EXD3: variants seen among roughly 807,000 people sequenced by gnomAD.
EXD3 encodes exonuclease 3'-5' domain containing 3.
A neutral mutation model predicts 98.0 loss-of-function variants in EXD3; 92 were observed. The observed-to-expected ratio is 0.94, with a 90% confidence interval of 0.79 to 1.12. The LOEUF (loss-of-function observed/expected upper bound fraction) is 1.12, where lower values mean the gene tolerates loss of function less well. Ranked by LOEUF, EXD3 falls within the 50% of genes most tolerant of loss-of-function variation. The pLI is 0.00. For missense variants in EXD3, 1,222 were observed against 1,191.6 expected (o/e 1.03, Z -0.38); for synonymous variants, 569 against 526.0 (o/e 1.08, Z -1.12).
At chr9:137,412,929 G>C (rs1216273697) in intron 1 of EXD3, among the ~76,000 whole-genome samples, 1 of 151,356 alleles carries the variant, frequency 6.6e-6, no homozygotes, top group Admixed American at 6.6e-5. Flanking sequence ...CGGAGTGCAC[G>C]CTACACCTGG....
intron 7 of EXD3, among the ~76,000 whole-genome samples, chr9:137,362,607 C>T (rs1390889442): frequency 1.3e-5 from 2 of 151,932 alleles, no homozygotes; most frequent in East Asian, 1.9e-4. Context: ...GTGATCTGCC[C>T]CACCTTGGCC....
chr9:137,309,745 G>A, intron 19 of EXD3, 45 bp from the exon 20 acceptor site: 1 of 1,458,870 alleles, frequency 6.9e-7, no homozygotes, highest in Non-Finnish European at 9.4e-7. Flanking sequence ...GGCTTCTCCG[G>A]GTGCCCCATA....
At chr9:137,419,656 G>A (rs1297728825) in intron 1 of EXD3, among the ~76,000 whole-genome samples, 10 of 151,994 alleles carry the variant, frequency 6.6e-5, no homozygotes, top group African/African-American at 9.7e-5. Flanking sequence ...GCAACAGAGC[G>A]AGACTCCATC....
rs1181400833 is a variant in EXD3 at position 137,349,730 on chromosome 9, G to A, written c.1495-199C>T. On this transcript the variant is annotated intron_variant, in intron 14 of 21. Coordinates refer to ENST00000340951, the MANE Select transcript of EXD3 (RefSeq NM_017820.5). The surrounding 1 kb of genome is among the most constrained non-coding windows in gnomAD (Gnocchi z 7.4). ...GTGGGGGTCCCAGGCTGCAGGCACT[G>A]CACACCAGGGCCAGCTCCGGGGGCC... Among the ~76,000 whole-genome samples the A allele has an allele frequency of 2.0e-5, 3 of 151,988 alleles. No individual in the cohort carries two copies. Among genetic ancestry groups the A allele is most frequent in the African/African-American group, 7.3e-5 (3 of 41,378 alleles).
At chr9:137,312,624 G>C (rs1202591249) in intron 19 of EXD3, among the ~76,000 whole-genome samples, 1 of 152,202 alleles carries the variant, frequency 6.6e-6, no homozygotes, top group Non-Finnish European at 1.5e-5. Flanking sequence ...GTGAGGGAAA[G>C]AGCTGCTCAG....
In EXD3 at chr9:137,347,828, T is replaced by C. The variant is rs1834011086; in HGVS notation, c.1998+243A>G. ...CTCTATTTTAAGTTCAACTGATTAA[T>C]AGTGTCAATTACATCTGTAAATTCC... On this transcript the variant is annotated intron_variant, in intron 17 of 21. Transcript: ENST00000340951. This position sits in a 1 kb window ranked among gnomAD's most constrained non-coding sequence, Gnocchi z 4.2. Among the ~76,000 whole-genome samples the C allele has an allele frequency of 2.0e-5, 3 of 152,154 alleles. No homozygotes were observed. The highest frequency in any genetic ancestry group is 4.1e-4 in the South Asian group (2 of 4,824).
chr9:137,371,337 AGAC>A lies in EXD3; in HGVS notation c.462+1565_462+1567del, dbSNP rs1251599450. ...TTCTCAGCGCCATGCACCCGCCGCG[AGAC>A]GACGGCCCCGGGCGTGGCAGGTGAC... On this transcript the variant is annotated intron_variant, in intron 5 of 21. Coordinates refer to ENST00000340951, the MANE Select transcript of EXD3 (RefSeq NM_017820.5). This position sits in a 1 kb window ranked among gnomAD's most constrained non-coding sequence, Gnocchi z 8.0. Among the ~76,000 whole-genome samples, 2 of 152,114 alleles carry A rather than the reference AGAC, an allele frequency of 1.3e-5. No homozygotes were observed. Among genetic ancestry groups the A allele is most frequent in the African/African-American group, 2.4e-5 (1 of 41,404 alleles).
At chr9:137,404,712 T>C (rs1837635624) in intron 1 of EXD3, among the ~76,000 whole-genome samples, 1 of 151,948 alleles carries the variant, frequency 6.6e-6, no homozygotes, top group South Asian at 2.1e-4. Context: ...AATATAAAAT[T>C]AGCTGGGCGT....
chr9:137,418,504 A>G lies in EXD3; in HGVS notation c.-48+4610T>C, dbSNP rs183199800. Among the ~76,000 whole-genome samples, 5 of 152,362 alleles carry G rather than the reference A, an allele frequency of 3.3e-5. No homozygotes were observed. The East Asian group carries it at 9.6e-4, about 29-fold the overall frequency. ...AATATATTTACATCTGTTAACAAAA[A>G]AATTTAGGAGATGCATCTCTGTAAA... On this transcript the variant is annotated intron_variant, in intron 1 of 21. Transcript: ENST00000340951.
chr9:137,399,947 C>G (rs1446261820), intron 1 of EXD3, among the ~76,000 whole-genome samples: 3 of 150,356 alleles, frequency 2.0e-5, no homozygotes, highest in African/African-American at 7.4e-5. Context: ...AGGCGAATCA[C>G]TTGAACCTGG....
At chr9:137,400,109 TACTC>T (rs1224135287) in intron 1 of EXD3, among the ~76,000 whole-genome samples, 1 of 151,534 alleles carries the variant, frequency 6.6e-6, no homozygotes, top group Non-Finnish European at 1.5e-5. Context: ...TCATGAGACT[TACTC>T]ACTATCAGAA....
chr9:137,313,594 T>A (rs1588220299), intron 19 of EXD3, among the ~76,000 whole-genome samples: 2 of 152,290 alleles, frequency 1.3e-5, no homozygotes, highest in South Asian at 4.1e-4. Flanking sequence ...AGCCCAGGCC[T>A]GTCTCCTGCA....
In EXD3 at chr9:137,373,005, A is replaced by C. The variant is rs749225694; in HGVS notation, c.362T>G (p.Leu121Arg). The C allele has an allele frequency of 6.2e-7, 1 of 1,605,400 alleles. No individual in the cohort carries two copies. The highest frequency in any genetic ancestry group is 1.1e-5 in the South Asian group (1 of 90,974). ...VKVLTESPPS[L>R]AAPLASIFQL... ...GAAGATGCTGGCCAGTGGTGCCGCAAGGCTGGGGGGGCTCTCAGTGAGGAC... is the reference window on the plus strand; with the variant it reads ...GAAGATGCTGGCCAGTGGTGCCGCACGGCTGGGGGGGCTCTCAGTGAGGAC... The change falls in exon 5 of 22, where the codon CTT becomes CGT. Residue 121 changes from leucine to arginine, a missense_variant. Coordinates refer to ENST00000340951, the MANE Select transcript of EXD3 (RefSeq NM_017820.5).
At chr9:137,311,094 C>T (rs2119046662) in intron 19 of EXD3, among the ~76,000 whole-genome samples, 1 of 152,310 alleles carries the variant, frequency 6.6e-6, no homozygotes, top group East Asian at 1.9e-4. Flanking sequence ...GCATTGCAGC[C>T]CCCACCAGTT....
In EXD3 at chr9:137,347,945, G is replaced by C. The variant is rs1834017827; in HGVS notation, c.1998+126C>G. The C allele has an allele frequency of 8.3e-7, 1 of 1,204,142 alleles. No homozygotes were observed. The highest frequency in any genetic ancestry group is 2.6e-5 in the Admixed American group (1 of 37,992). The allele number at this position is 1,204,142 out of a possible 1,614,324, so 74.6% of individuals were successfully genotyped here. On this transcript the variant is annotated intron_variant, in intron 17 of 21. Transcript: ENST00000340951. The surrounding 1 kb of genome is among the most constrained non-coding windows in gnomAD (Gnocchi z 4.2). The stretch of plus-strand genomic sequence containing the variant: ...TTGGCCACCCCGTCCTGTTCCCAGA[G>C]CCTGCCTGGCACAGCTGGCAGCCAT...
intron 17 of EXD3, among the ~76,000 whole-genome samples, chr9:137,344,869 G>C (rs1467024671): frequency 1.3e-5 from 2 of 151,320 alleles, no homozygotes; most frequent in African/African-American, 4.9e-5. Flanking sequence ...ACCTTCCACT[G>C]TCTGGAGATC....
At chr9:137,308,710 C>T (rs1831195285) in intron 20 of EXD3, among the ~76,000 whole-genome samples, 1 of 146,730 alleles carries the variant, frequency 6.8e-6, no homozygotes, top group Admixed American at 6.8e-5. Context: ...GATCTCGGCT[C>T]ACTGCAACCT....
intron 6 of EXD3, 161 bp downstream of exon 6, chr9:137,367,775 T>G: frequency 1.6e-6 from 1 of 630,048 alleles, no homozygotes; most frequent in Non-Finnish European, 2.8e-6. Flanking sequence ...ATGAGGAGGA[T>G]GGTGGTTTAG....
At chr9:137,308,291 C>T (rs989642536) in intron 20 of EXD3, among the ~76,000 whole-genome samples, 3 of 152,208 alleles carry the variant, frequency 2.0e-5, no homozygotes, top group African/African-American at 7.2e-5. Context: ...CTACAGATGG[C>T]TCCAGATCAG....
Sources: gnomAD v4.1 joint callset for allele counts (sites outside exome capture counted in the v4.1 genomes callset) on GRCh38, gnomAD v4.1.1 for gene constraint, Gnocchi (gnomAD v3.1) non-coding constraint, MANE v1.5 for transcripts, NCBI Gene and HGNC (gene_info 2026-07-23, HGNC 2026-07-21) for gene names.